QTRT2: variants seen among roughly 807,000 people sequenced by gnomAD.
QTRT2 encodes the protein queuine tRNA-ribosyltransferase domain containing 1.
Under a neutral mutation model 44.8 loss-of-function variants are expected in QTRT2, and 32 were observed. The observed-to-expected ratio is 0.71, with a 90% CI of 0.54 to 0.96. The LOEUF is 0.96. Among genes scored for constraint, QTRT2 ranks in the 40% least tolerant of loss-of-function variants. QTRT2 has a pLI of 0.00. For synonymous variants in QTRT2, 182 were observed against 187.4 expected (o/e 0.97, Z 0.24); for missense variants, 461 against 503.1 (o/e 0.92, Z 0.80).
At position 114,056,803 on chromosome 3, in the gene QTRT2, T is replaced by C. The variant is rs1177943721; in HGVS notation, c.-191T>C. 5 of 1,531,832 alleles carry C rather than the reference T, an allele frequency of 3.3e-6. No individual in the cohort carries two copies. Among genetic ancestry groups the C allele is most frequent in the Non-Finnish European group, 4.4e-6 (5 of 1,144,586 alleles). 94.9% of individuals were successfully genotyped at this position (1,531,832 alleles called of 1,614,324 possible). A position where few individuals can be genotyped will look rare whatever the true frequency, so the allele number is the denominator to read the frequency against. On this transcript the variant is annotated 5_prime_UTR_variant, in exon 1 of 10. Coordinates refer to ENST00000281273, the MANE Select transcript of QTRT2 (RefSeq NM_024638.4). Reference sequence around the variant, plus strand: ...GGGCAGAGAATTTTGCAACACGTGGTAGTGAACTGTGAGGAGTTTGAGGGG... The same window carrying C: ...GGGCAGAGAATTTTGCAACACGTGGCAGTGAACTGTGAGGAGTTTGAGGGG...
chr3:114,084,472 T>A (rs140135344), intron 9 of QTRT2, among the ~76,000 whole-genome samples: 65 of 151,924 alleles, frequency 4.3e-4, no homozygotes, highest in East Asian at 1.6e-3. Flanking sequence ...TATCTGGGCG[T>A]GGTGGGAAGC....
intron 7 of QTRT2, chr3:114,077,990 G>A (rs547417968): frequency 6.6e-6 from 1 of 152,268 alleles, no homozygotes; most frequent in Non-Finnish European, 1.5e-5. Context: ...TGGGATTACA[G>A]GCGCGATTTT....
rs917091623 is a variant in QTRT2 at position 114,088,283 on chromosome 3, T to C, written c.*2379T>C. On this transcript the variant is annotated 3_prime_UTR_variant, in exon 10 of 10. Coordinates refer to ENST00000281273, the MANE Select transcript of QTRT2 (RefSeq NM_024638.4). ...CTTATTAGCACATTTGAGAAAAATA[T>C]TCCTTTCCTTTATTGTAGTAAATCT... The C allele has an allele frequency of 3.9e-5, 6 of 152,224 alleles. No individual in the cohort carries two copies. The highest frequency in any genetic ancestry group is 7.3e-5 in the Non-Finnish European group (5 of 68,038). The allele number at this position is 152,224 out of a possible 1,614,324, so 9.4% of individuals were successfully genotyped here.
At chr3:114,062,020 A>T (rs2076893547) in intron 2 of QTRT2, among the ~76,000 whole-genome samples, 1 of 151,926 alleles carries the variant, frequency 6.6e-6, no homozygotes, top group Admixed American at 6.6e-5. Context: ...CTAAAAAAAA[A>T]AAAAAAAAAA....
intron 2 of QTRT2, among the ~76,000 whole-genome samples, chr3:114,059,098 C>T (rs938734771): frequency 6.6e-6 from 1 of 152,184 alleles, no homozygotes; most frequent in Non-Finnish European, 1.5e-5. Flanking sequence ...TCCATTCTCT[C>T]CTGATAAATG....
chr3:114,082,207 CACA>C (rs2077175354), intron 8 of QTRT2, among the ~76,000 whole-genome samples: 2 of 3,396 alleles, frequency 5.9e-4, no homozygotes, highest in African/African-American at 7.8e-4. Flanking sequence ...AACCCCACCA[CACA>C]CACACACACA....
intron 5 of QTRT2, among the ~76,000 whole-genome samples, chr3:114,068,586 A>G (rs2076984388): frequency 6.6e-6 from 1 of 152,230 alleles, no homozygotes; most frequent in Admixed American, 6.5e-5. Flanking sequence ...CCCTGAGGAC[A>G]GCATTCTGGC....
At chr3:114,058,800 G>A (rs1031379807) in intron 2 of QTRT2, among the ~76,000 whole-genome samples, 1 of 152,108 alleles carries the variant, frequency 6.6e-6, no homozygotes, top group Non-Finnish European at 1.5e-5. Context: ...CAGAGTGCTG[G>A]GATTACAGGC....
At chr3:114,083,919 A>G (rs2077200470) in intron 9 of QTRT2, among the ~76,000 whole-genome samples, 1 of 152,190 alleles carries the variant, frequency 6.6e-6, no homozygotes, top group African/African-American at 2.4e-5. Flanking sequence ...GGTTACTACT[A>G]AAATTCCCTT....
At chr3:114,076,360 C>T (rs2077090475) in intron 6 of QTRT2, among the ~76,000 whole-genome samples, 1 of 151,982 alleles carries the variant, frequency 6.6e-6, no homozygotes, top group African/African-American at 2.4e-5. Context: ...TTTGTAGAGA[C>T]CAGGTGTCGC....
chr3:114,071,023 T>G, intron 6 of QTRT2, among the ~76,000 whole-genome samples, 185 bp downstream of exon 6: 1 of 152,232 alleles, frequency 6.6e-6, no homozygotes, highest in South Asian at 2.1e-4. Flanking sequence ...TATCTTAGGT[T>G]TCTCTTTTCA....
rs929451185 is a variant in QTRT2, at chr3:114,087,224, A to G, written c.*1320A>G. On this transcript the variant is annotated 3_prime_UTR_variant, in exon 10 of 10. Transcript: ENST00000281273. Reference sequence around the variant, plus strand: ...TACATTTGTTTTATACTTCTATGCTATATTTTGCTATTCAAAATTTAGTGG... The same window carrying G: ...TACATTTGTTTTATACTTCTATGCTGTATTTTGCTATTCAAAATTTAGTGG... 10 of 152,192 alleles carry G rather than the reference A, an allele frequency of 6.6e-5. No individual in the cohort carries two copies. The highest frequency in any genetic ancestry group is 2.0e-4 in the Admixed American group (3 of 15,276). The allele number at this position is 152,192 out of a possible 1,614,324, so 9.4% of individuals were successfully genotyped here.
chr3:114,067,641 G>A (rs1432744857), intron 4 of QTRT2, among the ~76,000 whole-genome samples: 3 of 152,150 alleles, frequency 2.0e-5, no homozygotes, highest in Non-Finnish European at 4.4e-5. Context: ...CCCTTGGATG[G>A]TACCTGGAAT....
intron 9 of QTRT2, 77 bp from the exon 10 acceptor site, chr3:114,085,596 C>T (rs892655307): frequency 8.2e-7 from 1 of 1,221,306 alleles, no homozygotes; most frequent in African/African-American, 1.5e-5. Flanking sequence ...GTAACTTTAC[C>T]AGCAGAATAG....
In QTRT2 at chr3:114,076,695, G is replaced by A. The variant is rs113530344; in HGVS notation, c.547-48G>A. On this transcript the variant is annotated intron_variant, in intron 6 of 9. Transcript: ENST00000281273. ...TCCATGTAAGGTTCATTTAAACAAA[G>A]GTCTCATACTGAAAATGGTTAAAAA... 98 of 1,562,704 alleles carry A rather than the reference G, an allele frequency of 6.3e-5. 4 individuals are homozygous for A. Among genetic ancestry groups the A allele is most frequent in the African/African-American group, 5.8e-4 (43 of 73,900 alleles).
chr3:114,082,862 A>G (rs928811769), intron 9 of QTRT2, 68 bp downstream of exon 9: 5 of 722,322 alleles, frequency 6.9e-6, no homozygotes, highest in South Asian at 5.0e-5. Flanking sequence ...TTAAAAGTTT[A>G]TGGGACAATT....
rs557892907 is a variant in QTRT2, at chr3:114,087,069, T to G, written c.*1165T>G. On this transcript the variant is annotated 3_prime_UTR_variant, in exon 10 of 10. Coordinates refer to ENST00000281273, the MANE Select transcript of QTRT2 (RefSeq NM_024638.4). Reference sequence around the variant, plus strand: ...GCTGGTAGGGGAAGGTAATTCTTTCTAAGTTACCTCTGTATTTTTCAAGTT... The same window carrying G: ...GCTGGTAGGGGAAGGTAATTCTTTCGAAGTTACCTCTGTATTTTTCAAGTT... 6.6e-6 allele frequency: 1 copy of G among 152,318 alleles called. No individual in the cohort carries two copies. The highest frequency in any genetic ancestry group is 6.5e-5 in the Admixed American group (1 of 15,296). The allele number at this position is 152,318 out of a possible 1,614,324, so 9.4% of individuals were successfully genotyped here.
At chr3:114,059,340 G>C (rs2076851935) in intron 2 of QTRT2, among the ~76,000 whole-genome samples, 1 of 152,162 alleles carries the variant, frequency 6.6e-6, no homozygotes, top group Non-Finnish European at 1.5e-5. Flanking sequence ...CATGATAAAG[G>C]CAAATAAAAA....
chr3:114,084,707 G>A (rs1397294568), intron 9 of QTRT2, among the ~76,000 whole-genome samples: 1 of 152,184 alleles, frequency 6.6e-6, no homozygotes, highest in Non-Finnish European at 1.5e-5. Context: ...GATAGGCACT[G>A]TTATTACCTT....
Sources: allele counts gnomAD v4.1 joint callset (sites outside exome capture counted in the v4.1 genomes callset), GRCh38; gene constraint gnomAD v4.1.1; transcripts MANE v1.5; gene names NCBI Gene and HGNC (gene_info 2026-07-23, HGNC 2026-07-21).